Variants in FOXN3 observed in about 807,000 individuals in gnomAD.
FOXN3 encodes the protein forkhead box N3.
Under a neutral mutation model 38.4 loss-of-function variants are expected in FOXN3, and 7 were observed. That is an observed-to-expected ratio of 0.18 (90% CI 0.10 to 0.34). The LOEUF is 0.34. Among genes scored for constraint, FOXN3 ranks in the 10% least tolerant of loss-of-function variants. The pLI is 1.00. For synonymous variants in FOXN3, 230 were observed against 242.2 expected, an observed-to-expected ratio of 0.95 and a Z score of 0.47; for missense variants, 456 against 613.4, an observed-to-expected ratio of 0.74 and a Z score of 2.71.
chr14:89,441,187 C>T (rs951548789), intron 1 of FOXN3, among the ~76,000 whole-genome samples: 1 of 152,176 alleles, frequency 6.6e-6, no homozygotes, highest in Non-Finnish European at 1.5e-5. Context: ...CTGCTGGGCC[C>T]TTTCCCTCCT....
chr14:89,380,979 T>C (rs372387212), intron 2 of FOXN3, among the ~76,000 whole-genome samples: 1 of 151,428 alleles, frequency 6.6e-6, no homozygotes, highest in East Asian at 1.9e-4. Flanking sequence ...CCATCTCCAC[T>C]AAAAATACAA....
At chr14:89,455,068 T>C (rs527901103) in intron 1 of FOXN3, among the ~76,000 whole-genome samples, 37 of 152,198 alleles carry the variant, frequency 2.4e-4, no homozygotes, top group Non-Finnish European at 5.0e-4. Context: ...ATGGACACAA[T>C]GCAGGAGAGC....
At chr14:89,275,056 C>T (rs1184259844) in intron 4 of FOXN3, among the ~76,000 whole-genome samples, 1 of 152,186 alleles carries the variant, frequency 6.6e-6, no homozygotes, top group Admixed American at 6.5e-5. Flanking sequence ...TAATGTGAAT[C>T]CACCAAATCC....
At chr14:89,325,298 CCAA>C (rs1888031964) in intron 3 of FOXN3, among the ~76,000 whole-genome samples, 1 of 140,986 alleles carries the variant, frequency 7.1e-6, no homozygotes, top group Non-Finnish European at 1.6e-5. Flanking sequence ...ACCACCAACA[CCAA>C]CACCACCACC....
chr14:89,349,315 G>A (rs1352649753), intron 3 of FOXN3, among the ~76,000 whole-genome samples: 1 of 152,160 alleles, frequency 6.6e-6, no homozygotes, highest in African/African-American at 2.4e-5. Flanking sequence ...CTCTCCTACA[G>A]CTATATGACC....
chr14:89,173,161 A>T (rs1887433915), intron 5 of FOXN3, among the ~76,000 whole-genome samples: 1 of 152,238 alleles, frequency 6.6e-6, no homozygotes, highest in African/African-American at 2.4e-5. Context: ...CTAAACAGGA[A>T]ATCCATAAAA....
chr14:89,496,488 G>C (rs1893686579), intron 1 of FOXN3, among the ~76,000 whole-genome samples: 1 of 152,096 alleles, frequency 6.6e-6, no homozygotes, highest in Non-Finnish European at 1.5e-5. Flanking sequence ...GAGGGCCCTG[G>C]AGTGGAAAGA....
intron 1 of FOXN3, among the ~76,000 whole-genome samples, chr14:89,584,349 C>T (rs1314264345): frequency 6.6e-6 from 1 of 151,976 alleles, no homozygotes; most frequent in Non-Finnish European, 1.5e-5. Flanking sequence ...TGCAGTGAAC[C>T]GATATCGCAC....
chr14:89,378,051 A>G (rs12435456), intron 2 of FOXN3, among the ~76,000 whole-genome samples: 3,398 of 152,338 alleles, frequency 0.022, 135 homozygotes, highest in African/African-American at 0.076. Flanking sequence ...CTGTGAGAAA[A>G]TAAATTCCTT....
At chr14:89,545,024 C>T (rs61996512) in intron 1 of FOXN3, among the ~76,000 whole-genome samples, 58,989 of 152,124 alleles carry the variant, frequency 0.39, 14,716 homozygotes, top group Non-Finnish European at 0.55. Flanking sequence ...TTACTATGTT[C>T]ATTTCTGAAA....
At chr14:89,476,858 A>G (rs1002478906) in intron 1 of FOXN3, among the ~76,000 whole-genome samples, 1 of 152,190 alleles carries the variant, frequency 6.6e-6, no homozygotes, top group Non-Finnish European at 1.5e-5. Flanking sequence ...CATAAGAAGG[A>G]TAAGCCACTG....
intron 1 of FOXN3, among the ~76,000 whole-genome samples, chr14:89,423,054 C>A (rs1228521705): frequency 6.6e-6 from 1 of 152,208 alleles, no homozygotes; most frequent in Non-Finnish European, 1.5e-5. Flanking sequence ...TCTAGCTCCT[C>A]TATACCCAGT....
In FOXN3 at chr14:89,164,046, C is replaced by T. The variant is rs1249034873; in HGVS notation, c.852-1077G>A. ...CGCGAAAGTGGGAATAGTAACTACA[C>T]CTGCTCCCCGTGGGTGTGGGGCTGA... On this transcript the variant is annotated intron_variant, in intron 5 of 5. Coordinates refer to ENST00000557258, the MANE Select transcript of FOXN3 (RefSeq NM_005197.4). This position sits in a 1 kb window ranked among gnomAD's most constrained non-coding sequence, Gnocchi z 4.3. Among the ~76,000 whole-genome samples the T allele has an allele frequency of 6.6e-6, 1 of 152,224 alleles. No individual in the cohort carries two copies. The highest frequency in any genetic ancestry group is 2.4e-5 in the African/African-American group (1 of 41,448).
intron 4 of FOXN3, chr14:89,230,988 T>C: frequency 2.6e-6 from 1 of 386,686 alleles, no homozygotes; most frequent in South Asian, 1.9e-5. Context: ...CCACTAGCTC[T>C]GCGGGAACAT....
At chr14:89,326,655 A>T (rs1425170854) in intron 3 of FOXN3, among the ~76,000 whole-genome samples, 1 of 152,202 alleles carries the variant, frequency 6.6e-6, no homozygotes, top group Non-Finnish European at 1.5e-5. Flanking sequence ...AGTCTAATTA[A>T]ATTTTTATAT....
intron 1 of FOXN3, among the ~76,000 whole-genome samples, chr14:89,452,172 T>C (rs891074695): frequency 1.3e-5 from 2 of 151,994 alleles, no homozygotes; most frequent in Non-Finnish European, 2.9e-5. Context: ...CCCCAGGATG[T>C]AAAGGTGTGT....
At chr14:89,454,034 T>G (rs376997553) in intron 1 of FOXN3, among the ~76,000 whole-genome samples, 2 of 152,194 alleles carry the variant, frequency 1.3e-5, no homozygotes, top group South Asian at 2.1e-4. Context: ...ACTGGTGTGG[T>G]GGCTCATGAC....
intron 1 of FOXN3, among the ~76,000 whole-genome samples, chr14:89,415,473 C>T (rs1023501527): frequency 6.6e-6 from 1 of 151,910 alleles, no homozygotes; most frequent in African/African-American, 2.4e-5. Flanking sequence ...ATCATGTGTG[C>T]GTTTTGTGCT....
chr14:89,219,288 T>C (rs1278518127), intron 4 of FOXN3, among the ~76,000 whole-genome samples: 1 of 152,188 alleles, frequency 6.6e-6, no homozygotes, highest in African/African-American at 2.4e-5. Flanking sequence ...ATGTAAGACA[T>C]GCCTTGCTTC....
Sources: allele counts gnomAD v4.1 joint callset (sites outside exome capture counted in the v4.1 genomes callset), GRCh38; gene constraint gnomAD v4.1.1; non-coding constraint Gnocchi (gnomAD v3.1); transcripts MANE v1.5; gene names NCBI Gene and HGNC (gene_info 2026-07-23, HGNC 2026-07-21).